The following BLK variants were observed in gnomAD, a reference collection of about 807,000 sequenced individuals.
BLK encodes the protein BLK proto-oncogene, Src family tyrosine kinase.
BLK carries 64 observed loss-of-function variants against 61.8 expected under a neutral mutation model. That is an observed-to-expected ratio of 1.03 (90% CI 0.85 to 1.27). BLK has a LOEUF of 1.27. Ranked by LOEUF, BLK falls within the 50% of genes most tolerant of loss-of-function variation. BLK has a pLI of 0.00. For synonymous variants in BLK, 351 were observed against 272.0 expected (o/e 1.29, Z -2.86); for missense variants, 853 against 660.5 (o/e 1.29, Z -3.19).
chr8:11,548,357 G>T (rs564473368), intron 4 of BLK, among the ~76,000 whole-genome samples: 1 of 152,114 alleles, frequency 6.6e-6, no homozygotes, highest in African/African-American at 2.4e-5. Flanking sequence ...CAAAGTCCAC[G>T]TTCCATGCCA....
At chr8:11,513,432 C>T (rs1000153601) in intron 1 of BLK, among the ~76,000 whole-genome samples, 1 of 152,214 alleles carries the variant, frequency 6.6e-6, no homozygotes, top group Non-Finnish European at 1.5e-5. Flanking sequence ...TCCTTTAGGG[C>T]ATGAGAGTGC....
intron 4 of BLK, among the ~76,000 whole-genome samples, chr8:11,548,546 A>G (rs1303290256): frequency 2.6e-5 from 4 of 151,910 alleles, no homozygotes; most frequent in African/African-American, 4.8e-5. Context: ...CTCATTTCCC[A>G]TGTCCTTCTC....
chr8:11,558,549 T>C (rs1801337050), intron 10 of BLK: 1 of 427,606 alleles, frequency 2.3e-6, no homozygotes, highest in Non-Finnish European at 4.7e-6. Flanking sequence ...GGACATGACT[T>C]CTCTGAGCCC....
At chr8:11,515,781 C>T (rs1327655416) in intron 1 of BLK, among the ~76,000 whole-genome samples, 1 of 152,340 alleles carries the variant, frequency 6.6e-6, no homozygotes, top group Admixed American at 6.5e-5. Flanking sequence ...CAGCTTCCTG[C>T]AGTCTGTGTT....
At position 11,555,418 on chromosome 8, in the gene BLK, A is replaced by G. The variant is rs1364292650; in HGVS notation, c.706A>G (p.Ile236Val). The change falls in exon 8 of 13, where the codon ATC (isoleucine) becomes GTC (valine). Residue 236 changes from isoleucine to valine, a missense_variant. Ile to Val is a conservative substitution (Grantham distance 29, BLOSUM62 3). Transcript: ENST00000259089. Reference sequence around the variant, plus strand: ...TCCCTGGGCCCAGGATGAATGGGAGATCCCCCGGCAGTCTCTCAGGCTGGT... The same window carrying G: ...TCCCTGGGCCCAGGATGAATGGGAGGTCCCCCGGCAGTCTCTCAGGCTGGT... ...QNPWAQDEWE[I>V]PRQSLRLVRK... 1.2e-6 allele frequency: 2 copies of G among 1,613,934 alleles called. No individual in the cohort carries two copies. The highest frequency in any genetic ancestry group is 2.2e-5 in the East Asian group (1 of 44,882).
Position 11,561,420 on chromosome 8 carries a change from G to A in BLK, c.1148G>A (p.Arg383Gln), listed in dbSNP as rs773865077. Residue 383 changes from arginine (R) to glutamine (Q), a missense_variant, in exon 11 of 13, where the codon CGA (arginine) becomes CAA (glutamine). Physicochemically the swap from Arg to Gln is conservative, Grantham distance 43. Transcript: ENST00000259089. ...CCKIADFGLA[R>Q]IIDSEYTAQE... ...AAAATTGCTGATTTTGGCTTGGCTC[G>A]AATCATCGACAGTGAATACACGGCC... 6.8e-5 allele frequency: 110 copies of A among 1,613,872 alleles called. No individual in the cohort carries two copies. The highest frequency in any genetic ancestry group is 7.8e-5 in the Non-Finnish European group (92 of 1,179,992).
At chr8:11,518,987 A>T (rs949854361) in intron 1 of BLK, among the ~76,000 whole-genome samples, 1 of 152,032 alleles carries the variant, frequency 6.6e-6, no homozygotes, top group Non-Finnish European at 1.5e-5. Context: ...CTGTGCGATG[A>T]TTCTGTCCCG....
intron 1 of BLK, among the ~76,000 whole-genome samples, chr8:11,541,901 C>G (rs545007040): frequency 6.6e-6 from 1 of 152,314 alleles, no homozygotes; most frequent in South Asian, 2.1e-4. Context: ...TAAAGCTGAT[C>G]TGAGCTCACA....
At chr8:11,500,180 T>C (rs1798502229) in intron 1 of BLK, among the ~76,000 whole-genome samples, 4 of 152,116 alleles carry the variant, frequency 2.6e-5, no homozygotes, top group Admixed American at 2.0e-4. Context: ...TTAGATTGAT[T>C]TGGGGGGTGT....
At chr8:11,516,508 G>A (rs1431761898) in intron 1 of BLK, among the ~76,000 whole-genome samples, 1 of 152,202 alleles carries the variant, frequency 6.6e-6, no homozygotes, top group African/African-American at 2.4e-5. Flanking sequence ...AGACAATCTA[G>A]TAGGTCTTAT....
intron 1 of BLK, among the ~76,000 whole-genome samples, chr8:11,538,871 G>A (rs899676426): frequency 3.9e-5 from 6 of 152,114 alleles, no homozygotes; most frequent in African/African-American, 7.2e-5. Context: ...CTCCTCTGTT[G>A]CTGGGCAAAT....
chr8:11,495,946 T>C (rs1212716943), intron 1 of BLK, among the ~76,000 whole-genome samples: 1 of 152,194 alleles, frequency 6.6e-6, no homozygotes, highest in Non-Finnish European at 1.5e-5. Flanking sequence ...CTAAAATTAC[T>C]GCAAAATAAA....
chr8:11,553,466 G>A (rs1801014652), intron 6 of BLK: 2 of 404,264 alleles, frequency 4.9e-6, no homozygotes, highest in South Asian at 1.8e-5. Context: ...CATCAGGGAC[G>A]GGGCCTCAGA....
At chr8:11,541,973 G>A (rs531529599) in intron 1 of BLK, among the ~76,000 whole-genome samples, 1 of 152,156 alleles carries the variant, frequency 6.6e-6, no homozygotes, top group Non-Finnish European at 1.5e-5. Flanking sequence ...TATGTGTTCT[G>A]TATGTAAGGC....
intron 1 of BLK, among the ~76,000 whole-genome samples, chr8:11,497,162 G>T (rs556738001): frequency 1.3e-5 from 2 of 152,304 alleles, no homozygotes; most frequent in Non-Finnish European, 2.9e-5. Flanking sequence ...AAGACAGCAC[G>T]TAGATGGAAA....
intron 1 of BLK, among the ~76,000 whole-genome samples, chr8:11,518,722 C>T (rs1027783655): frequency 3.9e-5 from 6 of 152,178 alleles, no homozygotes; most frequent in Admixed American, 6.5e-5. Context: ...TGGTCCAACA[C>T]GGCATTTGGA....
chr8:11,548,884 C>T lies in BLK; in HGVS notation c.270-140C>T, dbSNP rs1000585267. 22 of 796,202 alleles carry T rather than the reference C, an allele frequency of 2.8e-5. No individual in the cohort carries two copies. The Admixed American group carries it at 4.0e-4, about 15-fold the overall frequency. 49.3% of individuals were successfully genotyped at this position (796,202 alleles called of 1,614,324 possible). On this transcript the variant is annotated intron_variant, in intron 4 of 12. Coordinates refer to ENST00000259089, the MANE Select transcript of BLK (RefSeq NM_001715.3). ...GTACCACTGAGCAGTGGGCACAAGC[C>T]CCTTCCTGCCTGCCGTACTCTCTAC...
chr8:11,511,139 T>A (rs1798988796), intron 1 of BLK, among the ~76,000 whole-genome samples: 1 of 152,218 alleles, frequency 6.6e-6, no homozygotes. Context: ...CAAAGAAACC[T>A]TGAAATTCAA....
chr8:11,498,236 A>G (rs1162283760), intron 1 of BLK, among the ~76,000 whole-genome samples: 1 of 152,234 alleles, frequency 6.6e-6, no homozygotes, highest in Non-Finnish European at 1.5e-5. Context: ...GTTCAAGTGC[A>G]GGAAAAGTTT....
Sources: gnomAD v4.1 joint callset for allele counts (sites outside exome capture counted in the v4.1 genomes callset) on GRCh38, gnomAD v4.1.1 for gene constraint, MANE v1.5 for transcripts, NCBI Gene and HGNC (gene_info 2026-07-23, HGNC 2026-07-21) for gene names.